The following LHFPL3 variants were observed in gnomAD, a reference collection of about 807,000 sequenced individuals.
LHFPL3 encodes the protein LHFPL tetraspan subfamily member 3, also known as LHFPL tetraspan subfamily member 3 protein.
LHFPL3 carries 5 observed loss-of-function variants against 19.3 expected under a neutral mutation model. The ratio of observed to expected loss-of-function variants is 0.26; its 90% confidence interval spans 0.14 to 0.54. The LOEUF (loss-of-function observed/expected upper bound fraction) is 0.54. Among genes scored for constraint, LHFPL3 ranks in the 20% least tolerant of loss-of-function variants. The pLI is 0.94. For synonymous variants in LHFPL3, 133 were observed against 126.2 expected (o/e 1.05, Z -0.36); for missense variants, 249 against 307.4 (o/e 0.81, Z 1.42).
chr7:104,889,989 C>T (rs1792214483), intron 2 of LHFPL3, among the ~76,000 whole-genome samples: 1 of 152,144 alleles, frequency 6.6e-6, no homozygotes, highest in Non-Finnish European at 1.5e-5. Flanking sequence ...CTCCTCTTCT[C>T]ATTCGCTTCT....
At chr7:104,905,480 G>A (rs1473249874) in intron 2 of LHFPL3, among the ~76,000 whole-genome samples, 2 of 152,108 alleles carry the variant, frequency 1.3e-5, no homozygotes, top group South Asian at 2.1e-4. Context: ...CCTACACTCT[G>A]GGAGGCTGGG....
chr7:104,824,406 A>AATAT (rs376052818), intron 2 of LHFPL3, among the ~76,000 whole-genome samples: 1 of 43,680 alleles, frequency 2.3e-5, no homozygotes, highest in African/African-American at 9.7e-5. Context: ...GATAATATAT[A>AATAT]ATATATATTT....
intron 2 of LHFPL3, among the ~76,000 whole-genome samples, chr7:104,830,413 A>G (rs1294544144): frequency 2.0e-5 from 3 of 151,968 alleles, no homozygotes; most frequent in East Asian, 1.9e-4. Flanking sequence ...GCCCATGCCT[A>G]TGTCCTGAAT....
chr7:104,650,119 G>A (rs1404688257), intron 1 of LHFPL3, among the ~76,000 whole-genome samples: 1 of 152,230 alleles, frequency 6.6e-6, no homozygotes, highest in Non-Finnish European at 1.5e-5. Flanking sequence ...AGTGGCAACT[G>A]AGAGCACAAG....
At chr7:104,748,157 T>C (rs140152431) in intron 2 of LHFPL3, among the ~76,000 whole-genome samples, 3 of 151,260 alleles carry the variant, frequency 2.0e-5, no homozygotes, top group Non-Finnish European at 4.4e-5. Context: ...GAAGGCAGCA[T>C]GCTCCTTAAG....
chr7:104,855,175 A>G (rs1429060468), intron 2 of LHFPL3, among the ~76,000 whole-genome samples: 1 of 152,180 alleles, frequency 6.6e-6, no homozygotes, highest in Non-Finnish European at 1.5e-5. Context: ...ATTAGTGAGG[A>G]GGGGAGAGCG....
chr7:104,396,040 C>G (rs1308089234), intron 1 of LHFPL3, among the ~76,000 whole-genome samples: 1 of 152,060 alleles, frequency 6.6e-6, no homozygotes, highest in Non-Finnish European at 1.5e-5. Context: ...GGAAGATCAC[C>G]CAGACAGCTC....
At chr7:104,620,684 T>G (rs1011191329) in intron 1 of LHFPL3, among the ~76,000 whole-genome samples, 3 of 152,188 alleles carry the variant, frequency 2.0e-5, no homozygotes, top group Admixed American at 6.5e-5. Flanking sequence ...GATTTCCACT[T>G]CTGGGTACAT....
intron 1 of LHFPL3, among the ~76,000 whole-genome samples, chr7:104,581,048 G>A (rs543101928): frequency 1.2e-4 from 19 of 152,032 alleles, no homozygotes; most frequent in African/African-American, 4.6e-4. Flanking sequence ...AGCTAGGAAT[G>A]GAATTACTAG....
At chr7:104,871,519 A>G (rs781009272) in intron 2 of LHFPL3, among the ~76,000 whole-genome samples, 4 of 152,178 alleles carry the variant, frequency 2.6e-5, no homozygotes, top group Admixed American at 6.6e-5. Flanking sequence ...TTTATTTTTA[A>G]TATTTTTCTT....
In LHFPL3 at chr7:104,389,812, T is replaced by C. The variant is rs568492345; in HGVS notation, c.445+60588T>C. ...TGGTACTGGAATGACTGGATAGTCA[T>C]ATGTAAAAGAATGAAGTTGGGCCAC... On this transcript the variant is annotated intron_variant, in intron 1 of 2. Coordinates refer to ENST00000424859, the MANE Select transcript of LHFPL3 (RefSeq NM_199000.3). Among the ~76,000 whole-genome samples the C allele has an allele frequency of 1.2e-4, 19 of 152,246 alleles. No individual in the cohort carries two copies. In the South Asian group the frequency reaches 3.7e-3, roughly 30 times the overall value.
At chr7:104,648,359 A>C (rs886203251) in intron 1 of LHFPL3, among the ~76,000 whole-genome samples, 2 of 152,172 alleles carry the variant, frequency 1.3e-5, no homozygotes, top group African/African-American at 4.8e-5. Context: ...CCTCCATTCT[A>C]AGACAAAGCT....
chr7:104,424,613 T>C (rs989633095), intron 1 of LHFPL3, among the ~76,000 whole-genome samples: 5 of 151,972 alleles, frequency 3.3e-5, no homozygotes, highest in East Asian at 1.9e-4. Flanking sequence ...TCACAACTGG[T>C]TGGGGGAAAG....
chr7:104,805,901 T>A (rs1374295374), intron 2 of LHFPL3, among the ~76,000 whole-genome samples: 1 of 152,210 alleles, frequency 6.6e-6, no homozygotes, highest in Non-Finnish European at 1.5e-5. Flanking sequence ...AACCCTGGGC[T>A]CTCTTCCTCT....
At chr7:104,599,271 T>C (rs956778104) in intron 1 of LHFPL3, among the ~76,000 whole-genome samples, 1 of 152,250 alleles carries the variant, frequency 6.6e-6, no homozygotes, top group Non-Finnish European at 1.5e-5. Context: ...AGAATAACAC[T>C]AATATCAGCA....
chr7:104,535,087 C>T (rs1272617199), intron 1 of LHFPL3, among the ~76,000 whole-genome samples: 1 of 152,102 alleles, frequency 6.6e-6, no homozygotes, highest in Non-Finnish European at 1.5e-5. Context: ...TCCTCCTAAC[C>T]CATGTTCCAG....
At chr7:104,860,170 ACACC>A (rs750552832) in intron 2 of LHFPL3, among the ~76,000 whole-genome samples, 191 of 91,658 alleles carry the variant, frequency 2.1e-3, no homozygotes, top group East Asian at 5.3e-3. Context: ...ACACACACAT[ACACC>A]CACCCACACA....
chr7:104,426,238 CTGTTTGTT>C lies in LHFPL3; in HGVS notation c.445+97040_445+97047del, dbSNP rs112112531. Reference sequence around the variant, plus strand: ...TGATTCTGGTGTTCTACACTATGTTCTGTTTGTTTGTTTGTTTGTTTGTTTGTTTGTTT... The same window carrying C: ...TGATTCTGGTGTTCTACACTATGTTCTGTTTGTTTGTTTGTTTGTTTGTTT... On this transcript the variant is annotated intron_variant, in intron 1 of 2. Transcript: ENST00000424859. Among the ~76,000 whole-genome samples the C allele has an allele frequency of 8.4e-3, 1,277 of 151,690 alleles. 73 individuals are homozygous for C. In the East Asian group the frequency reaches 0.16, roughly 19 times the overall value.
intron 2 of LHFPL3, among the ~76,000 whole-genome samples, chr7:104,790,308 A>G (rs1428425865): frequency 6.6e-6 from 1 of 152,178 alleles, no homozygotes; most frequent in Non-Finnish European, 1.5e-5. Flanking sequence ...AGGTTTCTAG[A>G]GTTGCCTTTT....
Sources: allele counts gnomAD v4.1 joint callset (sites outside exome capture counted in the v4.1 genomes callset), GRCh38; gene constraint gnomAD v4.1.1; transcripts MANE v1.5; gene names NCBI Gene and HGNC (gene_info 2026-07-23, HGNC 2026-07-21).